Variants in FBLN1 observed in about 807,000 individuals in gnomAD.
FBLN1 encodes fibulin 1, also known as fibulin-1.
A neutral mutation model predicts 89.7 loss-of-function variants in FBLN1; 34 were observed. The observed-to-expected ratio is 0.38, with a 90% CI of 0.29 to 0.50. The LOEUF (loss-of-function observed/expected upper bound fraction) is 0.50, where lower values mean the gene tolerates loss of function less well. FBLN1 is among the 20% of genes least tolerant of loss of function. The pLI, the probability that FBLN1 is intolerant of heterozygous loss-of-function variation, is 0.92. For synonymous variants in FBLN1, 393 were observed against 391.3 expected, an observed-to-expected ratio of 1.00 and a Z score of -0.05; for missense variants, 777 against 988.1, an observed-to-expected ratio of 0.79 and a Z score of 2.86.
In FBLN1 at chr22:45,535,215, A is replaced by G; in HGVS notation, c.800A>G (p.Glu267Gly). The G allele has an allele frequency of 6.2e-7, 1 of 1,614,190 alleles. No individual in the cohort carries two copies. The highest frequency in any genetic ancestry group is 8.5e-7 in the Non-Finnish European group (1 of 1,180,026). ...GATGTACCAGATATTGACGAGTGTG[A>G]GAGTGGTATTCATAACTGCCTCCCC... is the stretch of plus-strand genomic sequence containing the variant. ...DNSCKDIDEC[E>G]SGIHNCLPDF... Residue 267 changes from glutamate (E) to glycine (G), a missense_variant, in exon 8 of 17, where the codon GAG becomes GGG. Glu to Gly is a moderately conservative substitution (Grantham distance 98). Coordinates refer to ENST00000327858, the MANE Select transcript of FBLN1 (RefSeq NM_006486.3).
At chr22:45,555,570 C>T (rs542705897) in intron 14 of FBLN1, among the ~76,000 whole-genome samples, 1 of 152,160 alleles carries the variant, frequency 6.6e-6, no homozygotes, top group Admixed American at 6.5e-5. Flanking sequence ...TGGTGCCCAC[C>T]CAGATTAAGG....
At chr22:45,567,935 G>A (rs1045462045) in intron 14 of FBLN1, among the ~76,000 whole-genome samples, 1 of 152,172 alleles carries the variant, frequency 6.6e-6, no homozygotes, top group Admixed American at 6.5e-5. Context: ...GGGCCAGAGT[G>A]TGCACAGAGC....
At chr22:45,599,956 T>C (rs1177077316) in intron 16 of FBLN1, among the ~76,000 whole-genome samples, 6 of 152,016 alleles carry the variant, frequency 3.9e-5, no homozygotes, top group Admixed American at 3.3e-4. Flanking sequence ...GTCAGGTAAA[T>C]GGTGGTAGAG....
chr22:45,539,794 C>G (rs1242878126), intron 8 of FBLN1, among the ~76,000 whole-genome samples: 1 of 152,224 alleles, frequency 6.6e-6, no homozygotes, highest in African/African-American at 2.4e-5. Context: ...AGGTCTTACC[C>G]CTGTGGAGTG....
chr22:45,561,504 C>T lies in FBLN1; in HGVS notation c.1697+10889C>T, dbSNP rs2088850374. On this transcript the variant is annotated intron_variant, in intron 14 of 16. Transcript: ENST00000327858. The surrounding 1 kb of genome is among the most constrained non-coding windows in gnomAD (Gnocchi z 4.7). ...AGGAGTTTCAAATGCGTTTATTTTTCATAACTCTCTAAACAGTTCATGCCA... is the reference window on the plus strand; with the variant it reads ...AGGAGTTTCAAATGCGTTTATTTTTTATAACTCTCTAAACAGTTCATGCCA... 6.6e-6 allele frequency among the ~76,000 whole-genome samples: 1 copy of T among 152,214 alleles called. No individual in the cohort carries two copies. The highest frequency in any genetic ancestry group is 1.5e-5 in the Non-Finnish European group (1 of 68,046).
Position 45,530,367 on chromosome 22 carries a change from TCAG to T in FBLN1, c.485-897_485-895del, listed in dbSNP as rs2088388761. Among the ~76,000 whole-genome samples, 1 of 152,028 alleles carries T rather than the reference TCAG, an allele frequency of 6.6e-6. No homozygotes were observed. Among genetic ancestry groups the T allele is most frequent in the Non-Finnish European group, 1.5e-5 (1 of 68,006 alleles). ...TTTATCTCTCCGTCTTTTATCTGCT[TCAG>T]TCCTTGCCCCAGACTATCCTCGCAT... is the stretch of plus-strand genomic sequence containing the variant. On this transcript the variant is annotated intron_variant, in intron 4 of 16. Transcript: ENST00000327858. The surrounding 1 kb of genome is among the most constrained non-coding windows in gnomAD (Gnocchi z 5.4).
At chr22:45,554,253 G>A (rs1271623014) in intron 14 of FBLN1, among the ~76,000 whole-genome samples, 1 of 152,238 alleles carries the variant, frequency 6.6e-6, no homozygotes, top group Non-Finnish European at 1.5e-5. Context: ...CGGAAGCACA[G>A]CTCATGGGTC....
chr22:45,522,554 C>T (rs531494978), intron 2 of FBLN1, among the ~76,000 whole-genome samples: 3 of 152,232 alleles, frequency 2.0e-5, no homozygotes, highest in South Asian at 2.1e-4. Flanking sequence ...CCGACCTCTC[C>T]GCAACCATGG....
intron 14 of FBLN1, among the ~76,000 whole-genome samples, chr22:45,564,236 T>C (rs190681009): frequency 6.6e-6 from 1 of 152,278 alleles, no homozygotes; most frequent in Non-Finnish European, 1.5e-5. Context: ...GCCAAGCCAG[T>C]CATCTGTCCC....
rs1165034530 is a variant in FBLN1 at position 45,545,114 on chromosome 22, G to C, written c.1321+1588G>C. On this transcript the variant is annotated intron_variant, in intron 11 of 16. Coordinates refer to ENST00000327858, the MANE Select transcript of FBLN1 (RefSeq NM_006486.3). The surrounding 1 kb of genome is among the most constrained non-coding windows in gnomAD (Gnocchi z 5.9). ...GGTTGGATATGCCACAGTGAGCTGT[G>C]GTGTGCATGATTCTCAAATCGGAGG... Among the ~76,000 whole-genome samples, 1 of 152,194 alleles carries C rather than the reference G, an allele frequency of 6.6e-6. No homozygotes were observed. The highest frequency in any genetic ancestry group is 2.4e-5 in the African/African-American group (1 of 41,436).
chr22:45,534,292 C>CAAAAAAAAAAAAAAAAAAAAA (rs136746), intron 7 of FBLN1, among the ~76,000 whole-genome samples: 11 of 83,230 alleles, frequency 1.3e-4, no homozygotes, highest in South Asian at 5.7e-4. Flanking sequence ...GTACTTTCTA[C>CAAAAAAAAAAAAAAAAAAAAA]AAAAAAAAAA....
chr22:45,574,398 C>T lies in FBLN1; in HGVS notation c.1698-113C>T, dbSNP rs1276514901. ...CTGTCGTTCTCTGATGGAGCTGTCT[C>T]TGGGACAGATGCCCCTGCCCTGGCC... is the stretch of plus-strand genomic sequence containing the variant. On this transcript the variant is annotated intron_variant, in intron 14 of 16. Transcript: ENST00000327858. The surrounding 1 kb of genome is among the most constrained non-coding windows in gnomAD (Gnocchi z 4.1). The T allele has an allele frequency of 8.6e-7, 1 of 1,163,032 alleles. No individual in the cohort carries two copies. Among genetic ancestry groups the T allele is most frequent in the African/African-American group, 1.5e-5 (1 of 65,680 alleles). The allele number at this position is 1,163,032 out of a possible 1,614,324, so 72.0% of individuals were successfully genotyped here. A position where few individuals can be genotyped will look rare whatever the true frequency, so the allele number is the denominator to read the frequency against.
chr22:45,550,866 GAACCAGGAGA>G lies in FBLN1; in HGVS notation c.1697+257_1697+266del. On this transcript the variant is annotated intron_variant, in intron 14 of 16. Transcript: ENST00000327858. This position sits in a 1 kb window ranked among gnomAD's most constrained non-coding sequence, Gnocchi z 8.4. ...TGTTTTCAGGCCAAGGCTGTGCACA[GAACCAGGAGA>G]AACCACAGCCCTCTTTTTTCCTAGG... 1 of 561,310 alleles carries G rather than the reference GAACCAGGAGA, an allele frequency of 1.8e-6. No homozygotes were observed. The allele number at this position is 561,310 out of a possible 1,614,324, so 34.8% of individuals were successfully genotyped here.
intron 2 of FBLN1, chr22:45,523,046 AG>A (rs2088271653): frequency 1.5e-6 from 1 of 665,556 alleles, no homozygotes; most frequent in African/African-American, 1.8e-5. Context: ...TGGGGGAAAC[AG>A]GGAGGCATAG....
chr22:45,592,541 T>TG (rs2089147811), intron 16 of FBLN1, among the ~76,000 whole-genome samples: 1 of 152,200 alleles, frequency 6.6e-6, no homozygotes, highest in African/African-American at 2.4e-5. Flanking sequence ...TTGGCCAGGC[T>TG]GGTCTCGAAC....
rs1276301139 is a variant in FBLN1 at position 45,583,213 on chromosome 22, T to A, written c.1972+6105T>A. On this transcript the variant is annotated intron_variant, in intron 16 of 16. Transcript: ENST00000327858. The surrounding 1 kb of genome is among the most constrained non-coding windows in gnomAD (Gnocchi z 4.5). ...AGGTCCTTTAGTCAGCTCTCTGTTG[T>A]CCCCCAAGCCCCTCAGCCCCCCAGG... Among the ~76,000 whole-genome samples the A allele has an allele frequency of 6.6e-6, 1 of 152,124 alleles. No individual in the cohort carries two copies. Among genetic ancestry groups the A allele is most frequent in the African/African-American group, 2.4e-5 (1 of 41,432 alleles).
Position 45,558,525 on chromosome 22 carries a change from C to G in FBLN1, c.1697+7910C>G, listed in dbSNP as rs566809715. ...CCTTATCTGCCACTGACACCTCAAG[C>G]AACATTGGATCTGCTGGGTCATATG... On this transcript the variant is annotated intron_variant, in intron 14 of 16. Transcript: ENST00000327858. 3.0e-5 allele frequency: 5 copies of G among 164,900 alleles called. No individual in the cohort carries two copies. The Admixed American group carries it at 3.1e-4, about 10-fold the overall frequency. The allele number at this position is 164,900 out of a possible 1,614,324, so 10.2% of individuals were successfully genotyped here.
chr22:45,575,433 G>A lies in FBLN1; in HGVS notation c.1840+780G>A, dbSNP rs2147027439. 6.6e-6 allele frequency among the ~76,000 whole-genome samples: 1 copy of A among 152,276 alleles called. No homozygotes were observed. The highest frequency in any genetic ancestry group is 2.4e-5 in the African/African-American group (1 of 41,554). ...GCCAAGGTTTTCTGCTGGAGCGCTA[G>A]AGGCTTGGCAAGAGGTGGGCTGGAA... On this transcript the variant is annotated intron_variant, in intron 15 of 16. Transcript: ENST00000327858. The surrounding 1 kb of genome is among the most constrained non-coding windows in gnomAD (Gnocchi z 6.3).
chr22:45,560,751 G>C (rs377420760), intron 14 of FBLN1, among the ~76,000 whole-genome samples: 5 of 152,178 alleles, frequency 3.3e-5, no homozygotes, highest in South Asian at 4.2e-4. Flanking sequence ...AGTTCTTTTC[G>C]AGTGTAGCTC....
Sources: gnomAD v4.1 joint callset for allele counts (sites outside exome capture counted in the v4.1 genomes callset) on GRCh38, gnomAD v4.1.1 for gene constraint, Gnocchi (gnomAD v3.1) non-coding constraint, MANE v1.5 for transcripts, NCBI Gene and HGNC (gene_info 2026-07-23, HGNC 2026-07-21) for gene names.